Variants in NOS1AP observed in about 807,000 individuals in gnomAD.
NOS1AP encodes the protein carboxyl-terminal PDZ ligand of neuronal nitric oxide synthase protein.
A neutral mutation model predicts 56.2 loss-of-function variants in NOS1AP; 21 were observed. The ratio of observed to expected loss-of-function variants is 0.37; its 90% CI spans 0.26 to 0.54. The LOEUF is 0.54. NOS1AP is among the 20% of genes least tolerant of loss of function. NOS1AP has a pLI of 0.84. For synonymous variants in NOS1AP, 270 were observed against 274.6 expected, an observed-to-expected ratio of 0.98 and a Z score of 0.17; for missense variants, 522 against 657.8, an observed-to-expected ratio of 0.79 and a Z score of 2.26.
chr1:162,080,359 G>T (rs1485323910), intron 1 of NOS1AP, among the ~76,000 whole-genome samples: 1 of 152,058 alleles, frequency 6.6e-6, no homozygotes, highest in African/African-American at 2.4e-5. Flanking sequence ...ACCCCTTTAT[G>T]GTCCATCCAT....
At chr1:162,329,174 G>A (rs919860052) in intron 4 of NOS1AP, among the ~76,000 whole-genome samples, 1 of 152,176 alleles carries the variant, frequency 6.6e-6, no homozygotes, top group Non-Finnish European at 1.5e-5. Flanking sequence ...CTGTGTAAAA[G>A]CATAACAGTT....
At chr1:162,352,652 G>A (rs568641758) in intron 6 of NOS1AP, among the ~76,000 whole-genome samples, 45 of 152,198 alleles carry the variant, frequency 3.0e-4, no homozygotes, top group African/African-American at 8.4e-4. Flanking sequence ...CTTCTGGTTC[G>A]CAAACAGCTG....
chr1:162,189,032 G>C (rs935504096), intron 2 of NOS1AP, among the ~76,000 whole-genome samples: 2 of 152,086 alleles, frequency 1.3e-5, no homozygotes, highest in Non-Finnish European at 2.9e-5. Context: ...ACTCTAGCCT[G>C]GGCGACAGAG....
chr1:162,218,334 A>G (rs1652649841), intron 2 of NOS1AP, among the ~76,000 whole-genome samples: 1 of 152,176 alleles, frequency 6.6e-6, no homozygotes, highest in Non-Finnish European at 1.5e-5. Context: ...GTGAAAGTGG[A>G]CCTGTACTAT....
At position 162,121,209 on chromosome 1, in the gene NOS1AP, C is replaced by T. The variant is rs544589274; in HGVS notation, c.106-33196C>T. ...TTTTGGAGACAAAATCTCGCTCTGT[C>T]GCCCAGGATCAAGTGTAGTGGCACG... On this transcript the variant is annotated intron_variant, in intron 1 of 9. Coordinates refer to ENST00000361897, the MANE Select transcript of NOS1AP (RefSeq NM_014697.3). Among the ~76,000 whole-genome samples the T allele has an allele frequency of 8.3e-5, 12 of 145,260 alleles. No homozygotes were observed. In the East Asian group the frequency reaches 1.8e-3, roughly 22 times the overall value.
At chr1:162,207,328 G>T (rs4656358) in intron 2 of NOS1AP, among the ~76,000 whole-genome samples, 5,243 of 152,290 alleles carry the variant, frequency 0.034, 132 homozygotes, top group Non-Finnish European at 0.049. Context: ...CGACACCTCC[G>T]CTTTAGACAG....
chr1:162,291,111 GGGA>G (rs1308681716), intron 3 of NOS1AP, among the ~76,000 whole-genome samples: 1 of 151,950 alleles, frequency 6.6e-6, no homozygotes, highest in Non-Finnish European at 1.5e-5. Context: ...AGAGCAGGAG[GGGA>G]CCCTCTGAGG....
chr1:162,321,725 A>AT (rs1553205779), intron 4 of NOS1AP, among the ~76,000 whole-genome samples: 15 of 128,318 alleles, frequency 1.2e-4, no homozygotes, highest in African/African-American at 2.6e-4. Context: ...TAATTAAAAA[A>AT]AAAAAAATAT....
At chr1:162,358,602 C>T (rs1454665598) in intron 8 of NOS1AP, among the ~76,000 whole-genome samples, 5 of 152,156 alleles carry the variant, frequency 3.3e-5, no homozygotes, top group Non-Finnish European at 7.3e-5. Context: ...AATCCATCTC[C>T]TGTAGTTAAT....
At chr1:162,081,774 A>ATATATTTTTTTTTTTTTTTTTTTTTT in intron 1 of NOS1AP, among the ~76,000 whole-genome samples, 33 of 44,016 alleles carry the variant, frequency 7.5e-4, no homozygotes, top group African/African-American at 2.3e-3. Flanking sequence ...ATATATATAT[A>ATATATTTTTTTTTTTTTTTTTTTTTT]TTTTTTTTTT....
At chr1:162,176,941 T>C (rs1651083020) in intron 2 of NOS1AP, among the ~76,000 whole-genome samples, 1 of 152,250 alleles carries the variant, frequency 6.6e-6, no homozygotes, top group African/African-American at 2.4e-5. Context: ...GTCTTTTATG[T>C]GCACATAAGC....
At chr1:162,087,683 C>T (rs956697256) in intron 1 of NOS1AP, among the ~76,000 whole-genome samples, 3 of 152,198 alleles carry the variant, frequency 2.0e-5, no homozygotes, top group South Asian at 4.1e-4. Flanking sequence ...ATGTATTCTG[C>T]AGACCATCCC....
chr1:162,336,421 C>T (rs1196809983), intron 5 of NOS1AP, among the ~76,000 whole-genome samples: 1 of 152,210 alleles, frequency 6.6e-6, no homozygotes, highest in African/African-American at 2.4e-5. Context: ...AGTTATATAA[C>T]TCAGAAGTTG....
At chr1:162,190,472 TTTTA>T (rs578014411) in intron 2 of NOS1AP, among the ~76,000 whole-genome samples, 99 of 152,310 alleles carry the variant, frequency 6.5e-4, no homozygotes, top group African/African-American at 2.3e-3. Flanking sequence ...AACAATCTGA[TTTTA>T]TTTATTTTTA....
At chr1:162,338,546 C>A (rs753005966) in intron 5 of NOS1AP, 2 of 152,148 alleles carry the variant, frequency 1.3e-5, no homozygotes, top group Non-Finnish European at 2.9e-5. Flanking sequence ...TAATAAGAAC[C>A]ATTCTTTACA....
chr1:162,319,690 G>A (rs1656350107), intron 4 of NOS1AP, among the ~76,000 whole-genome samples: 1 of 152,102 alleles, frequency 6.6e-6, no homozygotes, highest in South Asian at 2.1e-4. Context: ...GCCCAGGGAG[G>A]CTGGCCTGTG....
intron 2 of NOS1AP, among the ~76,000 whole-genome samples, chr1:162,197,862 G>T (rs995445198): frequency 1.3e-5 from 2 of 152,224 alleles, no homozygotes; most frequent in African/African-American, 4.8e-5. Flanking sequence ...TGGCCCTGCC[G>T]CACTATCCTC....
intron 1 of NOS1AP, among the ~76,000 whole-genome samples, chr1:162,084,824 G>A (rs1482928117): frequency 6.6e-6 from 1 of 152,046 alleles, no homozygotes; most frequent in Non-Finnish European, 1.5e-5. Flanking sequence ...TGAGACTACA[G>A]GTGGCCTGGC....
At chr1:162,307,152 T>C (rs982285745) in intron 4 of NOS1AP, among the ~76,000 whole-genome samples, 4 of 152,160 alleles carry the variant, frequency 2.6e-5, no homozygotes, top group Admixed American at 1.3e-4. Flanking sequence ...ATAAACTAAA[T>C]AGTATTGGAG....
Sources: gnomAD v4.1 joint callset for allele counts (sites outside exome capture counted in the v4.1 genomes callset) on GRCh38, gnomAD v4.1.1 for gene constraint, MANE v1.5 for transcripts, NCBI Gene and HGNC (gene_info 2026-07-23, HGNC 2026-07-21) for gene names.